Variants in POPDC3 observed in about 807,000 individuals in gnomAD.
POPDC3 encodes the protein popeye domain-containing protein 3.
POPDC3 carries 20 observed loss-of-function variants against 28.2 expected under a neutral mutation model. The observed-to-expected ratio is 0.71, with a 90% CI of 0.50 to 1.03. The LOEUF (loss-of-function observed/expected upper bound fraction) is 1.03, where lower values mean the gene tolerates loss of function less well. Among genes scored for constraint, POPDC3 ranks in the 50% least tolerant of loss-of-function variants. POPDC3 has a pLI of 0.00. For missense variants in POPDC3, 316 were observed against 345.9 expected, an observed-to-expected ratio of 0.91 and a Z score of 0.69; for synonymous variants, 118 against 124.1, an observed-to-expected ratio of 0.95 and a Z score of 0.33.
intron 1 of POPDC3, chr6:105,166,710 G>A (rs760834715): frequency 2.1e-6 from 1 of 468,062 alleles, no homozygotes; most frequent in South Asian, 1.6e-5. Context: ...CTTGTAAGCT[G>A]AGTTTTTAAT....
intron 1 of POPDC3, among the ~76,000 whole-genome samples, chr6:105,171,154 C>A (rs1381052157): frequency 6.6e-6 from 1 of 152,114 alleles, no homozygotes; most frequent in African/African-American, 2.4e-5. Context: ...TTTGTGTATC[C>A]CTACATGGCT....
rs554422033 is a variant in POPDC3, at chr6:105,162,091, C to A, written c.-182G>T. On this transcript the variant is annotated 5_prime_UTR_variant, in exon 2 of 4. Coordinates refer to ENST00000254765, the MANE Select transcript of POPDC3 (RefSeq NM_022361.5). Reference sequence around the variant, plus strand: ...GTACGGATCTTGAAAAACTAAGAATCCCATGCTCGCTTCTTTAAGTTCATC... The same window carrying A: ...GTACGGATCTTGAAAAACTAAGAATACCATGCTCGCTTCTTTAAGTTCATC... The A allele has an allele frequency of 5.5e-5, 73 of 1,332,212 alleles. No individual in the cohort carries two copies. The East Asian group carries it at 2.0e-3, about 36-fold the overall frequency. 82.5% of individuals were successfully genotyped at this position (1,332,212 alleles called of 1,614,324 possible).
intron 1 of POPDC3, among the ~76,000 whole-genome samples, chr6:105,176,140 A>G (rs1267310006): frequency 6.6e-6 from 1 of 152,214 alleles, no homozygotes; most frequent in Non-Finnish European, 1.5e-5. Context: ...AAGCATATAT[A>G]GTATCATCCT....
At chr6:105,169,466 C>T (rs2114539905) in intron 1 of POPDC3, 1 of 152,296 alleles carries the variant, frequency 6.6e-6, no homozygotes, top group South Asian at 2.1e-4. Flanking sequence ...ATACCAATCT[C>T]CAAAATTCCT....
chr6:105,164,973 G>T (rs1053569728), intron 1 of POPDC3, among the ~76,000 whole-genome samples: 1 of 152,232 alleles, frequency 6.6e-6, no homozygotes, highest in African/African-American at 2.4e-5. Flanking sequence ...GCTAGAAACT[G>T]CATTTATTGC....
intron 1 of POPDC3, among the ~76,000 whole-genome samples, chr6:105,167,016 C>A (rs1774470588): frequency 6.6e-6 from 1 of 150,886 alleles, no homozygotes; most frequent in African/African-American, 2.4e-5. Context: ...CTAATAAAGA[C>A]AAGAGTGCAC....
chr6:105,160,305 A>C (rs1332966807), intron 2 of POPDC3, among the ~76,000 whole-genome samples: 1 of 152,142 alleles, frequency 6.6e-6, no homozygotes, highest in African/African-American at 2.4e-5. Context: ...TCCTCCTCCC[A>C]GGTTCAAGCG....
chr6:105,165,312 CTG>C (rs1217469556), intron 1 of POPDC3, among the ~76,000 whole-genome samples: 1 of 152,246 alleles, frequency 6.6e-6, no homozygotes, highest in East Asian at 1.9e-4. Flanking sequence ...ACTGTTCAGT[CTG>C]TAACTCTTAG....
At chr6:105,179,523 T>C (rs1774743261) in intron 1 of POPDC3, among the ~76,000 whole-genome samples, 2 of 152,134 alleles carry the variant, frequency 1.3e-5, no homozygotes, top group South Asian at 4.1e-4. Context: ...CAGAAGCCTC[T>C]AGGGCATACG....
chr6:105,162,780 G>T (rs574125567), intron 1 of POPDC3, among the ~76,000 whole-genome samples: 72 of 152,298 alleles, frequency 4.7e-4, no homozygotes, highest in African/African-American at 1.7e-3. Flanking sequence ...CCAGATACAT[G>T]AACCAGAATC....
At chr6:105,165,960 T>G (rs1487924243) in intron 1 of POPDC3, among the ~76,000 whole-genome samples, 3 of 152,206 alleles carry the variant, frequency 2.0e-5, no homozygotes, top group South Asian at 2.1e-4. Flanking sequence ...TTTTTAAAAT[T>G]ATCTCATTTA....
rs1255391381 is a variant in POPDC3, at chr6:105,179,814, C to T, written c.-252+19G>A. The T allele has an allele frequency of 6.6e-6, 1 of 152,198 alleles. No homozygotes were observed. The highest frequency in any genetic ancestry group is 1.5e-5 in the Non-Finnish European group (1 of 68,110). 9.4% of individuals were successfully genotyped at this position (152,198 alleles called of 1,614,324 possible). A position where few individuals can be genotyped will look rare whatever the true frequency, so the allele number is the denominator to read the frequency against. On this transcript the variant is annotated intron_variant, in intron 1 of 3. Coordinates refer to ENST00000254765, the MANE Select transcript of POPDC3 (RefSeq NM_022361.5). Reference sequence around the variant, plus strand: ...ACCGGAAGGCGGCGGACGCAGCGCCCCCGGGCTCACCTTCTTACCTTTCCT... The same window carrying T: ...ACCGGAAGGCGGCGGACGCAGCGCCTCCGGGCTCACCTTCTTACCTTTCCT...
At chr6:105,174,497 G>T (rs1774645794) in intron 1 of POPDC3, among the ~76,000 whole-genome samples, 1 of 152,210 alleles carries the variant, frequency 6.6e-6, no homozygotes, top group African/African-American at 2.4e-5. Flanking sequence ...AATGTACAAT[G>T]AACTCATGGT....
At chr6:105,159,618 G>C (rs1204852476) in intron 3 of POPDC3, 93 bp downstream of exon 3, 2 of 708,472 alleles carry the variant, frequency 2.8e-6, no homozygotes, top group Non-Finnish European at 4.9e-6. Context: ...AAATATTCTT[G>C]TCTTATCCAC....
At chr6:105,168,806 C>G (rs552422419) in intron 1 of POPDC3, 149 of 152,332 alleles carry the variant, frequency 9.8e-4, no homozygotes, top group African/African-American at 3.5e-3. Flanking sequence ...TGGAAGAAGG[C>G]AAACATCCAT....
chr6:105,161,294 A>C (rs550014348), intron 2 of POPDC3, 131 bp downstream of exon 2: 8 of 940,564 alleles, frequency 8.5e-6, no homozygotes, highest in Non-Finnish European at 1.3e-5. Flanking sequence ...TCAAGTATCA[A>C]AGACTTCCTC....
Position 105,158,444 on chromosome 6 carries a change from A to C in POPDC3, c.*26T>G. On this transcript the variant is annotated 3_prime_UTR_variant, in exon 4 of 4. Coordinates refer to ENST00000254765, the MANE Select transcript of POPDC3 (RefSeq NM_022361.5). ...AATGATGAAGAGAGAGTCTTTTTTT[A>C]TACTTATAAATTTCAGACTTTGATG... The C allele has an allele frequency of 6.4e-7, 1 of 1,553,408 alleles. No homozygotes were observed.
intron 1 of POPDC3, among the ~76,000 whole-genome samples, chr6:105,165,267 C>A (rs1158646992): frequency 1.3e-5 from 2 of 152,188 alleles, no homozygotes; most frequent in African/African-American, 4.8e-5. Flanking sequence ...AAATCCTAAC[C>A]ATGGATATTT....
At chr6:105,166,624 C>G in intron 1 of POPDC3, 2 of 471,206 alleles carry the variant, frequency 4.2e-6, no homozygotes, top group Non-Finnish European at 8.8e-6. Context: ...CTTCCGTACA[C>G]TCATCAGTCC....
Sources: gnomAD v4.1 joint callset for allele counts (sites outside exome capture counted in the v4.1 genomes callset) on GRCh38, gnomAD v4.1.1 for gene constraint, MANE v1.5 for transcripts, NCBI Gene and HGNC (gene_info 2026-07-23, HGNC 2026-07-21) for gene names.